The following ALLC variants were observed in gnomAD, a reference collection of about 807,000 sequenced individuals.
The protein encoded by ALLC is allantoicase.
In ALLC, 40 loss-of-function variants were observed where a neutral mutation model predicts 45.0. That is an observed-to-expected ratio of 0.89 (90% CI 0.69 to 1.16). The LOEUF is 1.16. Among genes scored for constraint, ALLC ranks in the 50% most tolerant of loss-of-function variants. The pLI is 0.00. For synonymous variants in ALLC, 176 were observed against 178.1 expected, an observed-to-expected ratio of 0.99 and a Z score of 0.09; for missense variants, 488 against 493.1, an observed-to-expected ratio of 0.99 and a Z score of 0.10.
chr2:3,694,209 G>T (rs1392188241), intron 7 of ALLC, among the ~76,000 whole-genome samples: 1 of 152,166 alleles, frequency 6.6e-6, no homozygotes. Context: ...AATATGAAGG[G>T]TCCCTAAGCA....
At chr2:3,657,752 C>T (rs1347404032), upstream of ALLC, among the ~76,000 whole-genome samples, 1 of 152,182 alleles carries the variant, frequency 6.6e-6, no homozygotes, top group Admixed American at 6.5e-5. Flanking sequence ...CTGTGGGCTT[C>T]TTTAAATTCC....
chr2:3,697,324 A>T (rs1667700083), intron 9 of ALLC, 24 bp from the exon 10 acceptor site: 3 of 1,600,266 alleles, frequency 1.9e-6, no homozygotes, highest in Non-Finnish European at 2.6e-6. Context: ...TTCGTTTACC[A>T]TTTTCTTCTC....
chr2:3,662,418 A>G (rs1666598145), intron 1 of ALLC, among the ~76,000 whole-genome samples: 1 of 152,214 alleles, frequency 6.6e-6, no homozygotes, highest in Admixed American at 6.5e-5. Context: ...TGCTCACCAC[A>G]GGGCGGAAGT....
intron 2 of ALLC, 125 bp downstream of exon 2, chr2:3,671,315 G>A: frequency 9.0e-7 from 1 of 1,111,148 alleles, no homozygotes; most frequent in Non-Finnish European, 1.3e-6. Flanking sequence ...CCTGCCCAAG[G>A]AAACCCGTTA....
chr2:3,657,585 C>T (rs948077225), upstream of ALLC, among the ~76,000 whole-genome samples: 1 of 152,178 alleles, frequency 6.6e-6, no homozygotes, highest in Non-Finnish European at 1.5e-5. Context: ...TGAAGCAAGG[C>T]AACGTCTGTT....
intron 1 of ALLC, among the ~76,000 whole-genome samples, chr2:3,670,783 C>T (rs79755399): frequency 0.19 from 28,447 of 149,018 alleles, 2,953 homozygotes; most frequent in Middle Eastern, 0.21. Context: ...AATAATCTCT[C>T]TCTTTTAAAC....
intron 10 of ALLC, among the ~76,000 whole-genome samples, chr2:3,698,666 T>C (rs1329676054): frequency 1.3e-5 from 2 of 152,262 alleles, no homozygotes; most frequent in Non-Finnish European, 2.9e-5. Context: ...TGTGACATTT[T>C]ATAAATACTG....
intron 7 of ALLC, chr2:3,688,936 C>G: frequency 5.5e-6 from 1 of 183,284 alleles, no homozygotes; most frequent in Non-Finnish European, 1.2e-5. Flanking sequence ...GCCTTGGTGA[C>G]CAGGTGCTTA....
the ALLC span, among the ~76,000 whole-genome samples, chr2:3,646,082 G>A: frequency 2.6e-5 from 4 of 152,102 alleles, no homozygotes; most frequent in African/African-American, 7.2e-5. Flanking sequence ...AGAGTGTCTC[G>A]TTCTGTGGCA....
chr2:3,656,971 G>A (rs1156717575), upstream of ALLC, among the ~76,000 whole-genome samples: 1 of 152,326 alleles, frequency 6.6e-6, no homozygotes, highest in African/African-American at 2.4e-5. Context: ...GATCCGAGGC[G>A]GCGAGCGGGG....
upstream of ALLC, among the ~76,000 whole-genome samples, chr2:3,657,952 A>G (rs1391848561): frequency 6.6e-6 from 1 of 152,256 alleles, no homozygotes; most frequent in African/African-American, 2.4e-5. Context: ...TGGCCGGACC[A>G]GGAAGGTGGG....
intron 3 of ALLC, among the ~76,000 whole-genome samples, chr2:3,675,329 G>A: frequency 6.7e-6 from 1 of 149,414 alleles, no homozygotes; most frequent in East Asian, 2.0e-4. Context: ...CGTTGAGGTT[G>A]CAGTGAGCCA....
In ALLC at chr2:3,702,533, G is replaced by A; in HGVS notation, c.1146G>A (p.Lys382=). The A allele has an allele frequency of 6.2e-7, 1 of 1,601,286 alleles. No homozygotes were observed. Among genetic ancestry groups the A allele is most frequent in the South Asian group, 1.1e-5 (1 of 90,140 alleles). Residue 382 remains lysine, a synonymous_variant, in exon 12 of 12, where the codon AAG becomes AAA. Coordinates refer to ENST00000252505, the MANE Select transcript of ALLC (RefSeq NM_018436.4). Reference sequence around the variant, plus strand: ...GGCCCCGGGAGAAGCCCATGTTGAAGTTCTCGGTGAGCTTCAAAGCAAACC... The same window carrying A: ...GGCCCCGGGAGAAGCCCATGTTGAAATTCTCGGTGAGCTTCAAAGCAAACC... ...LLRPREKPML[K]FSVSFKANP
chr2:3,645,959 TTATC>T, the ALLC span, among the ~76,000 whole-genome samples: 1 of 152,298 alleles, frequency 6.6e-6, no homozygotes, highest in Admixed American at 6.5e-5. This position sits in a 1 kb window ranked among gnomAD's most constrained non-coding sequence, Gnocchi z 4.3. Flanking sequence ...TTGTTCTAAG[TTATC>T]TATTCTGGGT....
At chr2:3,670,774 A>G (rs930577698) in intron 1 of ALLC, among the ~76,000 whole-genome samples, 1 of 152,106 alleles carries the variant, frequency 6.6e-6, no homozygotes, top group Non-Finnish European at 1.5e-5. Flanking sequence ...CAAAATTAAA[A>G]TAATCTCTCT....
rs1049493327 is a variant in ALLC at position 3,685,690 on chromosome 2, A to G, written c.511+2616A>G. On this transcript the variant is annotated intron_variant, in intron 7 of 11. Transcript: ENST00000252505. The stretch of plus-strand genomic sequence containing the variant: ...CAAAAGCCATTTCAACTGAGGTGGT[A>G]TGACATTTCATTGTGGTTTTGAGTT... Among the ~76,000 whole-genome samples, 15 of 150,942 alleles carry G rather than the reference A, an allele frequency of 9.9e-5. 1 individual carries two copies. Among genetic ancestry groups the G allele is most frequent in the African/African-American group, 2.7e-4 (11 of 41,360 alleles).
intron 7 of ALLC, among the ~76,000 whole-genome samples, chr2:3,686,332 A>G (rs961202309): frequency 1.3e-5 from 2 of 150,966 alleles, no homozygotes; most frequent in African/African-American, 4.8e-5. Context: ...GTCTGTTTTT[A>G]TGCCATAACC....
intron 1 of ALLC, among the ~76,000 whole-genome samples, chr2:3,668,782 G>T (rs1228430716): frequency 1.3e-5 from 2 of 150,920 alleles, no homozygotes; most frequent in Non-Finnish European, 3.0e-5. Context: ...CTCTATATTA[G>T]CCAGGGTGGT....
chr2:3,693,062 G>A (rs926380534), intron 7 of ALLC, among the ~76,000 whole-genome samples: 2 of 152,220 alleles, frequency 1.3e-5, no homozygotes, highest in African/African-American at 4.8e-5. Flanking sequence ...CTGGGAGAGG[G>A]TGTGCAGGTG....
Sources: gnomAD v4.1 joint callset for allele counts (sites outside exome capture counted in the v4.1 genomes callset) on GRCh38, gnomAD v4.1.1 for gene constraint, Gnocchi (gnomAD v3.1) non-coding constraint, MANE v1.5 for transcripts, NCBI Gene and HGNC (gene_info 2026-07-23, HGNC 2026-07-21) for gene names.